Variants in LYPLAL1 observed in about 807,000 individuals in gnomAD.
The protein encoded by LYPLAL1 is lysophospholipase like 1.
LYPLAL1 carries 23 observed loss-of-function variants against 19.7 expected under a neutral mutation model. The ratio of observed to expected loss-of-function variants is 1.17; its 90% CI spans 0.84 to 1.65. LYPLAL1 has a LOEUF of 1.65. Among genes scored for constraint, LYPLAL1 ranks in the 40% most tolerant of loss-of-function variants. The pLI is 0.00. For synonymous variants in LYPLAL1, 119 were observed against 96.3 expected, an observed-to-expected ratio of 1.24 and a Z score of -1.38; for missense variants, 355 against 279.4, an observed-to-expected ratio of 1.27 and a Z score of -1.93.
At chr1:219,214,229 T>A (rs2125126712), downstream of LYPLAL1, among the ~76,000 whole-genome samples, 1 of 152,282 alleles carries the variant, frequency 6.6e-6, no homozygotes, top group East Asian at 1.9e-4. Flanking sequence ...ATAAACTCCC[T>A]TGGTTATATT....
the LYPLAL1 span, among the ~76,000 whole-genome samples, chr1:219,264,471 G>A: frequency 0.26 from 40,153 of 152,064 alleles, 5,482 homozygotes; most frequent in Non-Finnish European, 0.31. Context: ...ACCAACTTGG[G>A]CAAAATAACT....
the LYPLAL1 span, among the ~76,000 whole-genome samples, chr1:219,417,038 A>T: frequency 1.3e-5 from 2 of 152,218 alleles, no homozygotes; most frequent in African/African-American, 4.8e-5. Context: ...TAACCTGCAC[A>T]CATAGCTGAG....
At chr1:219,414,045 C>T in the LYPLAL1 span, among the ~76,000 whole-genome samples, 2 of 152,220 alleles carry the variant, frequency 1.3e-5, no homozygotes, top group South Asian at 2.1e-4. Context: ...CCCCAGACAC[C>T]ACTGAGTGCA....
At chr1:219,200,271 A>G (rs915416982) in intron 3 of LYPLAL1, 22 of 227,120 alleles carry the variant, frequency 9.7e-5, no homozygotes, top group Non-Finnish European at 1.9e-4. Flanking sequence ...TGTATTCTTC[A>G]CTACCATTTG....
the LYPLAL1 span, among the ~76,000 whole-genome samples, chr1:219,325,626 A>G: frequency 6.6e-6 from 1 of 152,206 alleles, no homozygotes; most frequent in Non-Finnish European, 1.5e-5. Flanking sequence ...GTACAAGTCA[A>G]TTAAGCACCC....
At chr1:219,202,199 CT>C (rs1357745509) in intron 3 of LYPLAL1, among the ~76,000 whole-genome samples, 1 of 152,144 alleles carries the variant, frequency 6.6e-6, no homozygotes, top group Admixed American at 6.5e-5. Context: ...TAATATCTAC[CT>C]TTTAAAGTTG....
the LYPLAL1 span, among the ~76,000 whole-genome samples, chr1:219,226,886 ATTAAGT>A: frequency 1.3e-5 from 2 of 152,344 alleles, no homozygotes; most frequent in African/African-American, 2.4e-5. Context: ...AGATAGTCTC[ATTAAGT>A]TTAAGTATTA....
the LYPLAL1 span, among the ~76,000 whole-genome samples, chr1:219,227,149 A>G: frequency 6.6e-6 from 1 of 152,366 alleles, no homozygotes; most frequent in Non-Finnish European, 1.5e-5. Context: ...TTTATTGAAC[A>G]TTATTGTAAA....
At chr1:219,243,025 G>A in the LYPLAL1 span, among the ~76,000 whole-genome samples, 1 of 152,110 alleles carries the variant, frequency 6.6e-6, no homozygotes, top group African/African-American at 2.4e-5. Flanking sequence ...CGAAACAGGG[G>A]AAAGAATGGC....
At chr1:219,404,560 T>G in the LYPLAL1 span, among the ~76,000 whole-genome samples, 1 of 152,144 alleles carries the variant, frequency 6.6e-6, no homozygotes, top group African/African-American at 2.4e-5. Flanking sequence ...TTGCAATGTG[T>G]TGAGCCCAAA....
At chr1:219,438,253 T>C in the LYPLAL1 span, among the ~76,000 whole-genome samples, 2 of 152,192 alleles carry the variant, frequency 1.3e-5, no homozygotes, top group Non-Finnish European at 2.9e-5. Context: ...AACACCTCTA[T>C]AGTAGACATC....
At chr1:219,436,968 C>A in the LYPLAL1 span, 4 of 152,058 alleles carry the variant, frequency 2.6e-5, no homozygotes, top group Non-Finnish European at 4.4e-5. Flanking sequence ...ACTATTTTTT[C>A]TTGATATATT....
chr1:219,315,790 A>C, the LYPLAL1 span, among the ~76,000 whole-genome samples: 429 of 152,306 alleles, frequency 2.8e-3, 4 homozygotes, highest in African/African-American at 9.8e-3. Context: ...GAAACAGCAA[A>C]ACTTTAGAAA....
At chr1:219,332,681 CTT>C in the LYPLAL1 span, among the ~76,000 whole-genome samples, 4 of 151,388 alleles carry the variant, frequency 2.6e-5, no homozygotes, top group East Asian at 1.9e-4. Context: ...GAAGAGAAGA[CTT>C]ATTTCTTATT....
chr1:219,300,798 G>A, the LYPLAL1 span, among the ~76,000 whole-genome samples: 1 of 152,018 alleles, frequency 6.6e-6, no homozygotes, highest in Non-Finnish European at 1.5e-5. Flanking sequence ...GCCTCCCTAA[G>A]TGCTGGGATT....
chr1:219,267,033 C>T, the LYPLAL1 span, among the ~76,000 whole-genome samples: 1 of 151,990 alleles, frequency 6.6e-6, no homozygotes, highest in African/African-American at 2.4e-5. Flanking sequence ...TAGAAAATAC[C>T]ACCCCAATTT....
At chr1:219,408,708 A>G in the LYPLAL1 span, among the ~76,000 whole-genome samples, 5,612 of 152,068 alleles carry the variant, frequency 0.037, 335 homozygotes, top group African/African-American at 0.13. Flanking sequence ...TGAACCATGA[A>G]TGACAGGTAA....
chr1:219,227,619 C>T, the LYPLAL1 span, among the ~76,000 whole-genome samples: 1 of 151,494 alleles, frequency 6.6e-6, no homozygotes, highest in African/African-American at 2.4e-5. Flanking sequence ...GGAAAACAGC[C>T]ACAGGAGTGT....
At chr1:219,234,765 T>C in the LYPLAL1 span, among the ~76,000 whole-genome samples, 2 of 152,296 alleles carry the variant, frequency 1.3e-5, no homozygotes, top group South Asian at 4.1e-4. Context: ...ACGTGATTGC[T>C]GACCTGGTAT....
Sources: gnomAD v4.1 joint callset for allele counts (sites outside exome capture counted in the v4.1 genomes callset) on GRCh38, gnomAD v4.1.1 for gene constraint, MANE v1.5 for transcripts, NCBI Gene and HGNC (gene_info 2026-07-23, HGNC 2026-07-21) for gene names.